Variants in CSPG4 observed in about 807,000 individuals in gnomAD.
The protein encoded by CSPG4 is chondroitin sulfate proteoglycan 4, also known as chondroitin sulfate proteoglycan 4 (melanoma-associated).
A neutral mutation model predicts 139.3 loss-of-function variants in CSPG4; 74 were observed. The ratio of observed to expected loss-of-function variants is 0.53; its 90% CI spans 0.44 to 0.64. The LOEUF (loss-of-function observed/expected upper bound fraction) is 0.64. Among genes scored for constraint, CSPG4 ranks in the 30% least tolerant of loss-of-function variants. The pLI is 0.00. For missense variants in CSPG4, 2,565 were observed against 3,148.3 expected (o/e 0.81, Z 4.43); for synonymous variants, 1,234 against 1,394.2 (o/e 0.89, Z 2.56).
intron 8 of CSPG4, among the ~76,000 whole-genome samples, chr15:75,678,280 A>G (rs1893922170): frequency 6.6e-6 from 1 of 152,170 alleles, no homozygotes; most frequent in Admixed American, 6.5e-5. Flanking sequence ...AGTTCCCCCC[A>G]GATGCATCAT....
At chr15:75,703,462 A>C (rs1894330592) in intron 1 of CSPG4, among the ~76,000 whole-genome samples, 1 of 151,230 alleles carries the variant, frequency 6.6e-6, no homozygotes, top group South Asian at 2.1e-4. Context: ...GTGAGGAGGG[A>C]GGAAGCAGGC....
At chr15:75,701,590 C>T (rs1263550307) in intron 1 of CSPG4, among the ~76,000 whole-genome samples, 2 of 152,138 alleles carry the variant, frequency 1.3e-5, no homozygotes, top group East Asian at 1.9e-4. Context: ...CTGTGGGCCC[C>T]CCCTGGAGCT....
At chr15:75,703,528 C>T (rs537340770) in intron 1 of CSPG4, among the ~76,000 whole-genome samples, 2 of 152,214 alleles carry the variant, frequency 1.3e-5, no homozygotes, top group East Asian at 3.9e-4. Context: ...GGAGACCCTC[C>T]GTTCCCGGCA....
At position 75,690,173 on chromosome 15, in the gene CSPG4, T is replaced by G. The variant is rs1894142086; in HGVS notation, c.892A>C (p.Ile298Leu). ...TGCGTAGGGTACTGGTCCACGGAGA[T>G]TTCCAGCCGGTGAGCATTGATGTGG... ...SVHINAHRLEISVDQYPTHTS... is the reference protein window; with the variant it reads ...SVHINAHRLELSVDQYPTHTS... The change falls in exon 3 of 10, where the codon ATC becomes CTC. Residue 298 changes from isoleucine to leucine, a missense_variant. By Grantham distance (5) the Ile-to-Leu change is conservative (BLOSUM62 2). This residue lies in a region of CSPG4 where 2,316 missense variants were observed against 2,818.2 expected (regional missense o/e 0.82). Transcript: ENST00000308508. 6.2e-7 allele frequency: 1 copy of G among 1,612,964 alleles called. No homozygotes were observed. The highest frequency in any genetic ancestry group is 1.1e-5 in the South Asian group (1 of 91,072).
chr15:75,676,873 G>A lies in CSPG4; in HGVS notation c.5646C>T (p.Ser1882=), dbSNP rs375945014. 4.2e-4 allele frequency: 662 copies of A among 1,591,144 alleles called. No homozygotes were observed. The highest frequency in any genetic ancestry group is 5.5e-4 in the Admixed American group (32 of 58,658). The part of the protein sequence containing the change: ...VQRAPHNGFL[S]LVGGGLGPVT... ...CGGGCCCCAGGCCACCACCCACCAG[G>A]CTGAGGAAGCCGTTGTGGGGTGCCC... The change falls in exon 10 of 10, where the codon AGC becomes AGT. Residue 1882 remains serine, a synonymous_variant. Transcript: ENST00000308508.
At position 75,677,794 on chromosome 15, in the gene CSPG4, C is replaced by T. The variant is rs201672528; in HGVS notation, c.5043G>A (p.Pro1681=). 138 of 1,611,696 alleles carry T rather than the reference C, an allele frequency of 8.6e-5. 1 individual carries two copies. Among genetic ancestry groups the T allele is most frequent in the African/African-American group, 5.3e-4 (40 of 74,834 alleles). ...GGGTGGCGGCCACGTCCCGGGCAGGCGGCGAGGACAGCTGGAGCTCTAGGG... is the reference window on the plus strand; with the variant it reads ...GGGTGGCGGCCACGTCCCGGGCAGGTGGCGAGGACAGCTGGAGCTCTAGGG... ...HDTLELQLSS[P]PARDVAATLA... Residue 1681 remains proline (P), a synonymous_variant, in exon 9 of 10, where the codon CCG becomes CCA. Transcript: ENST00000308508.
rs759863538 is a variant in CSPG4 at position 75,685,278 on chromosome 15, C to T, written c.4213G>A (p.Ala1405Thr). 6.4e-7 allele frequency: 1 copy of T among 1,566,500 alleles called. No individual in the cohort carries two copies. Among genetic ancestry groups the T allele is most frequent in the Non-Finnish European group, 8.7e-7 (1 of 1,154,326 alleles). The change falls in exon 4 of 10, where the codon GCC (alanine) becomes ACC (threonine). Residue 1405 changes from alanine (A) to threonine (T), a missense_variant. Physicochemically the swap from Ala to Thr is moderately conservative, Grantham distance 58. Around this residue, in one of 5 missense-constraint regions of CSPG4, gnomAD observed 2,316 missense variants for 2,818.2 expected, o/e 0.82. Transcript: ENST00000308508. The stretch of plus-strand genomic sequence containing the variant: ...TGAGGTCCGTCCTCCTTCTGCAGGG[C>T]TCCATGCTGGGGTGGCTCCAGCACC... ...LQVLEPPQHG[A>T]LQKEDGPQAR...
chr15:75,694,843 C>T (rs1894206566), intron 1 of CSPG4, among the ~76,000 whole-genome samples: 1 of 152,228 alleles, frequency 6.6e-6, no homozygotes, highest in African/African-American at 2.4e-5. Context: ...CAGGGAACTG[C>T]AGGTGGCGGC....
At position 75,696,533 on chromosome 15, in the gene CSPG4, G is replaced by A. The variant is rs1307175095; in HGVS notation, c.89-3300C>T. On this transcript the variant is annotated intron_variant, in intron 1 of 9. Transcript: ENST00000308508. The surrounding 1 kb of genome is among the most constrained non-coding windows in gnomAD (Gnocchi z 4.2). Reference sequence around the variant, plus strand: ...GTGTGTGTGCGCGTGTGTGGGCCGGGAGCTGCCAGGACAGAGCAATGATTG... The same window carrying A: ...GTGTGTGTGCGCGTGTGTGGGCCGGAAGCTGCCAGGACAGAGCAATGATTG... Among the ~76,000 whole-genome samples, 2 of 152,106 alleles carry A rather than the reference G, an allele frequency of 1.3e-5. No homozygotes were observed. Among genetic ancestry groups the A allele is most frequent in the African/African-American group, 2.4e-5 (1 of 41,424 alleles).
chr15:75,682,691 A>G lies in CSPG4; in HGVS notation c.4699T>C (p.Ser1567Pro). 1 of 1,612,924 alleles carries G rather than the reference A, an allele frequency of 6.2e-7. No individual in the cohort carries two copies. The highest frequency in any genetic ancestry group is 8.5e-7 in the Non-Finnish European group (1 of 1,179,980). ...GTCACTCGGAAGAAGTGTCCGGGGGAAGTGTGCTCGCCGTCAGAGAGGCGG... is the reference window on the plus strand; with the variant it reads ...GTCACTCGGAAGAAGTGTCCGGGGGGAGTGTGCTCGCCGTCAGAGAGGCGG... Reference protein sequence around the residue: ...RFRLSDGEHTSPGHFFRVTAQ... With the variant: ...RFRLSDGEHTPPGHFFRVTAQ... The change falls in exon 7 of 10, where the codon TCC becomes CCC. Residue 1567 changes from serine (S) to proline (P), a missense_variant. By Grantham distance (74) the Ser-to-Pro change is moderately conservative. Around this residue, in one of 5 missense-constraint regions of CSPG4, gnomAD observed 2,316 missense variants for 2,818.2 expected, o/e 0.82. Transcript: ENST00000308508.
rs187988891 is a variant in CSPG4, at chr15:75,702,295, C to T, written c.89-9062G>A. ...CCTAGCAGGGCCGACCTGCTGCCTT[C>T]GCTCAGGCTGGGCCTGCTGCTGGGC... On this transcript the variant is annotated intron_variant, in intron 1 of 9. Coordinates refer to ENST00000308508, the MANE Select transcript of CSPG4 (RefSeq NM_001897.5). Among the ~76,000 whole-genome samples, 15 of 152,386 alleles carry T rather than the reference C, an allele frequency of 9.8e-5. No individual in the cohort carries two copies. In the East Asian group the frequency reaches 1.3e-3, roughly 14 times the overall value.
intron 1 of CSPG4, among the ~76,000 whole-genome samples, chr15:75,695,653 C>T (rs1294787741): frequency 2.6e-5 from 4 of 152,104 alleles, no homozygotes; most frequent in African/African-American, 7.2e-5. Flanking sequence ...GAATCCCTGT[C>T]TTGGAGGTGG....
intron 8 of CSPG4, chr15:75,679,485 C>T (rs1893942135): frequency 6.6e-6 from 1 of 152,278 alleles, no homozygotes; most frequent in Non-Finnish European, 1.5e-5. Flanking sequence ...AGTGTCTCCC[C>T]ATCTGACCAC....
In CSPG4 at chr15:75,682,463, C is replaced by A. The variant is rs761692206; in HGVS notation, c.4784-4G>T. On this transcript the variant is annotated splice_polypyrimidine_tract_variant and splice_region_variant and intron_variant, in intron 7 of 9. Transcript: ENST00000308508. ...CTGCTGAGTGGCTGGACGGACCCTG[C>A]CAGAGGCAAAAGGGGATATCAGATT... The A allele has an allele frequency of 6.3e-7, 1 of 1,576,378 alleles. No individual in the cohort carries two copies. Among genetic ancestry groups the A allele is most frequent in the Non-Finnish European group, 8.6e-7 (1 of 1,166,578 alleles).
chr15:75,708,274 G>C (rs1164391489), intron 1 of CSPG4, among the ~76,000 whole-genome samples: 1 of 108,580 alleles, frequency 9.2e-6, no homozygotes, highest in African/African-American at 3.5e-5. Flanking sequence ...GGAAGGAGCT[G>C]AGCGAGAGGC....
intron 1 of CSPG4, among the ~76,000 whole-genome samples, chr15:75,706,296 G>A (rs1354269507): frequency 6.6e-6 from 1 of 152,208 alleles, no homozygotes; most frequent in Non-Finnish European, 1.5e-5. Context: ...GGGGAACGAG[G>A]CACTGTGTCC....
chr15:75,706,590 T>A (rs1019682697), intron 1 of CSPG4, among the ~76,000 whole-genome samples: 2 of 152,052 alleles, frequency 1.3e-5, no homozygotes, highest in African/African-American at 4.8e-5. Flanking sequence ...AGAGGGGCCA[T>A]CCAGGTCATG....
In CSPG4 at chr15:75,686,888, C is replaced by T. The variant is rs548889252; in HGVS notation, c.3789+388G>A. Among the ~76,000 whole-genome samples the T allele has an allele frequency of 4.7e-4, 71 of 152,296 alleles. 1 individual carries two copies. Among genetic ancestry groups the T allele is most frequent in the African/African-American group, 1.6e-3 (67 of 41,542 alleles). ...GGGGACATGAGGGTCTGAGGAGTAGCGGCCTGTCTCCACGGTCAGCAATCC... is the reference window on the plus strand; with the variant it reads ...GGGGACATGAGGGTCTGAGGAGTAGTGGCCTGTCTCCACGGTCAGCAATCC... On this transcript the variant is annotated intron_variant, in intron 3 of 9. Transcript: ENST00000308508.
intron 1 of CSPG4, among the ~76,000 whole-genome samples, chr15:75,700,494 G>C (rs867901577): frequency 1.3e-5 from 2 of 152,126 alleles, no homozygotes; most frequent in Non-Finnish European, 2.9e-5. Context: ...CCTTCTGCAG[G>C]GGCTGGCGGG....
Sources: gnomAD v4.1 joint callset for allele counts (sites outside exome capture counted in the v4.1 genomes callset) on GRCh38, gnomAD v4.1.1 for gene constraint, gnomAD v4.1.1 regional missense constraint, Gnocchi (gnomAD v3.1) non-coding constraint, MANE v1.5 for transcripts, NCBI Gene and HGNC (gene_info 2026-07-23, HGNC 2026-07-21) for gene names.